C6: variants seen among roughly 807,000 people sequenced by gnomAD.
The protein encoded by C6 is complement component C6.
C6 carries 101 observed loss-of-function variants against 112.9 expected under a neutral mutation model. That is an observed-to-expected ratio of 0.89 (90% confidence interval 0.76 to 1.06). The LOEUF (loss-of-function observed/expected upper bound fraction) is 1.06. Among genes scored for constraint, C6 ranks in the 50% least tolerant of loss-of-function variants. The pLI, the probability that C6 is intolerant of heterozygous loss-of-function variation, is 0.00. For synonymous variants in C6, 431 were observed against 384.1 expected (o/e 1.12, Z -1.43); for missense variants, 1,202 against 1,104.6 (o/e 1.09, Z -1.25).
chr5:41,160,160 A>G lies in C6; in HGVS notation c.1666T>C (p.Ser556Pro), dbSNP rs367628052. ...GTYGENCEKQSPDYKSNAVDG... is the reference protein window; with the variant it reads ...GTYGENCEKQPPDYKSNAVDG... ...TACTTACTGGATTTATAATCTGGAG[A>G]CTGTTTCTCACAGTTCTCACCATAG... Residue 556 changes from serine to proline, a missense_variant, in exon 11 of 18, where the codon TCT (serine) becomes CCT (proline). Transcript: ENST00000337836. 35 of 1,611,980 alleles carry G rather than the reference A, an allele frequency of 2.2e-5. No individual in the cohort carries two copies. The highest frequency in any genetic ancestry group is 2.5e-5 in the Non-Finnish European group (30 of 1,178,258).
At chr5:41,160,544 G>A (rs1561109832) in intron 10 of C6, among the ~76,000 whole-genome samples, 177 bp from the exon 11 acceptor site, 1 of 152,120 alleles carries the variant, frequency 6.6e-6, no homozygotes, top group African/African-American at 2.4e-5. Context: ...TCTACCTGTG[G>A]ACAGGTGTGA....
chr5:41,148,268 G>A (rs1438677262), intron 17 of C6, among the ~76,000 whole-genome samples: 1 of 152,146 alleles, frequency 6.6e-6, no homozygotes, highest in African/African-American at 2.4e-5. Context: ...TGCAGACATT[G>A]AGAATTATGT....
chr5:41,191,840 T>C (rs947542774), intron 5 of C6, among the ~76,000 whole-genome samples: 5 of 151,448 alleles, frequency 3.3e-5, no homozygotes, highest in African/African-American at 1.2e-4. Flanking sequence ...TAAAAGATAA[T>C]GTCATCTACA....
chr5:41,235,361 A>G (rs1171961606), intron 1 of C6, among the ~76,000 whole-genome samples: 1 of 145,872 alleles, frequency 6.9e-6, no homozygotes, highest in Non-Finnish European at 1.5e-5. Flanking sequence ...TTTACTGAGA[A>G]TGATGGTTTC....
chr5:41,167,055 T>A (rs1272609339), intron 9 of C6, among the ~76,000 whole-genome samples: 1 of 152,084 alleles, frequency 6.6e-6, no homozygotes, highest in Non-Finnish European at 1.5e-5. Context: ...TTTTTTTATG[T>A]GTTTTTATAT....
chr5:41,256,605 C>T (rs934233026), intron 1 of C6, among the ~76,000 whole-genome samples: 5 of 152,032 alleles, frequency 3.3e-5, no homozygotes, highest in African/African-American at 4.8e-5. Flanking sequence ...CTTTGTATCA[C>T]ACAGGGGTTT....
chr5:41,252,657 T>C (rs1741438778), intron 1 of C6, among the ~76,000 whole-genome samples: 1 of 152,214 alleles, frequency 6.6e-6, no homozygotes, highest in Non-Finnish European at 1.5e-5. Flanking sequence ...CTCCTTCCCT[T>C]TCCAGGTCTT....
chr5:41,258,530 T>G (rs532037011), intron 1 of C6, among the ~76,000 whole-genome samples: 2 of 152,338 alleles, frequency 1.3e-5, no homozygotes, highest in Admixed American at 6.5e-5. Context: ...CCCAGTCATT[T>G]AAGTGTTTTG....
At chr5:41,206,365 G>C (rs918332072) in intron 1 of C6, among the ~76,000 whole-genome samples, 2 of 152,220 alleles carry the variant, frequency 1.3e-5, no homozygotes, top group African/African-American at 4.8e-5. Context: ...AAGCTGAACG[G>C]AGAATGACTT....
chr5:41,161,796 C>T lies in C6; in HGVS notation c.1355G>A (p.Gly452Glu), dbSNP rs142896559. ...CCCTTTCTCCCATGCCAAAGCTGCTCCATATTCACTCCTTCCACCTCGAAT... is the reference window on the plus strand; with the variant it reads ...CCCTTTCTCCCATGCCAAAGCTGCTTCATATTCACTCCTTCCACCTCGAAT... The part of the protein sequence containing the change: ...SLIRGGRSEY[G>E]AALAWEKGSS... The change falls in exon 10 of 18, where the codon GGA becomes GAA. Residue 452 changes from glycine to glutamate, a missense_variant. Coordinates refer to ENST00000337836, the MANE Select transcript of C6 (RefSeq NM_000065.5). 5.6e-3 allele frequency: 8,969 copies of T among 1,613,692 alleles called. 31 individuals carry two copies. The highest frequency in any genetic ancestry group is 6.3e-3 in the Non-Finnish European group (7,440 of 1,179,700).
chr5:41,250,634 T>C (rs2150437299), intron 1 of C6, among the ~76,000 whole-genome samples: 1 of 152,262 alleles, frequency 6.6e-6, no homozygotes, highest in Admixed American at 6.5e-5. Context: ...CTATATAAAG[T>C]GGCCCCCAAG....
chr5:41,241,516 C>A (rs1214903125), intron 1 of C6, among the ~76,000 whole-genome samples: 3 of 152,102 alleles, frequency 2.0e-5, no homozygotes, highest in Non-Finnish European at 4.4e-5. Flanking sequence ...ACGGGTCATG[C>A]AGAGAAACCA....
chr5:41,153,131 T>G (rs553530981), intron 15 of C6: 2 of 152,394 alleles, frequency 1.3e-5, no homozygotes, highest in South Asian at 4.1e-4. Flanking sequence ...TTTCCCTGCC[T>G]GAAAGTGTCT....
chr5:41,181,480 C>A lies in C6; in HGVS notation c.806G>T (p.Gly269Val). Reference sequence around the variant, plus strand: ...GCTCCCCCCCTGACTTGAGAATGAGCCTTGTTGATTTTCATTGTGTCCAAG... The same window carrying A: ...GCTCCCCCCCTGACTTGAGAATGAGACTTGTTGATTTTCATTGTGTCCAAG... ...TSLGHNENQQ[G>V]SFSSQGGSSF... The change falls in exon 7 of 18, where the codon GGC becomes GTC. Residue 269 changes from glycine to valine, a missense_variant. By Grantham distance (109) the Gly-to-Val change is moderately radical. Coordinates refer to ENST00000337836, the MANE Select transcript of C6 (RefSeq NM_000065.5). The A allele has an allele frequency of 1.2e-6, 2 of 1,613,560 alleles. No homozygotes were observed. The highest frequency in any genetic ancestry group is 1.7e-6 in the Non-Finnish European group (2 of 1,179,746).
intron 1 of C6, among the ~76,000 whole-genome samples, chr5:41,251,091 A>C (rs1435380284): frequency 1.3e-5 from 2 of 152,152 alleles, no homozygotes; most frequent in Non-Finnish European, 2.9e-5. Flanking sequence ...ACTATAATAA[A>C]ATTTAGAATC....
At chr5:41,211,276 T>C (rs1162197251) in intron 1 of C6, among the ~76,000 whole-genome samples, 2 of 151,286 alleles carry the variant, frequency 1.3e-5, no homozygotes, top group Admixed American at 6.6e-5. Flanking sequence ...TTAGGACATA[T>C]ACCTAATGCT....
At chr5:41,198,401 C>A (rs534814325) in intron 4 of C6, among the ~76,000 whole-genome samples, 1 of 152,274 alleles carries the variant, frequency 6.6e-6, no homozygotes, top group Non-Finnish European at 1.5e-5. Flanking sequence ...GCTATGACAT[C>A]ACCCAGTCCG....
intron 1 of C6, chr5:41,203,739 C>T (rs949936658): frequency 1.2e-5 from 2 of 173,244 alleles, no homozygotes; most frequent in African/African-American, 4.8e-5. Flanking sequence ...CGTTCACTGA[C>T]TCCATATAAA....
chr5:41,220,175 A>C (rs192665094), intron 1 of C6, among the ~76,000 whole-genome samples: 1 of 152,284 alleles, frequency 6.6e-6, no homozygotes, highest in East Asian at 1.9e-4. Flanking sequence ...ATGTTTTTCA[A>C]ACACTTGCAA....
Sources: allele counts gnomAD v4.1 joint callset (sites outside exome capture counted in the v4.1 genomes callset), GRCh38; gene constraint gnomAD v4.1.1; transcripts MANE v1.5; gene names NCBI Gene and HGNC (gene_info 2026-07-23, HGNC 2026-07-21).